SNTG1: variants seen among roughly 807,000 people sequenced by gnomAD.
SNTG1 encodes the protein gamma-1-syntrophin.
A neutral mutation model predicts 74.7 loss-of-function variants in SNTG1; 39 were observed. The ratio of observed to expected loss-of-function variants is 0.52; its 90% CI spans 0.40 to 0.68. The LOEUF (loss-of-function observed/expected upper bound fraction) is 0.68, where lower values mean the gene tolerates loss of function less well. SNTG1 is among the 30% of genes least tolerant of loss of function. The pLI is 0.00. For synonymous variants in SNTG1, 254 were observed against 217.1 expected (o/e 1.17, Z -1.49); for missense variants, 685 against 609.5 (o/e 1.12, Z -1.30).
intron 1 of SNTG1, among the ~76,000 whole-genome samples, chr8:50,125,463 T>C (rs181393552): frequency 1.4e-5 from 2 of 142,700 alleles, no homozygotes; most frequent in East Asian, 4.0e-4. Context: ...TCTTTATTTA[T>C]GAGTGTGTCA....
chr8:50,501,094 TCTG>T (rs2093948044), intron 8 of SNTG1, among the ~76,000 whole-genome samples: 1 of 152,202 alleles, frequency 6.6e-6, no homozygotes, highest in African/African-American at 2.4e-5. Context: ...GGCTAGCACT[TCTG>T]CTGGCTTCCC....
In SNTG1 at chr8:50,555,315, A is replaced by G. The variant is rs1468700668; in HGVS notation, c.810+2136A>G. Among the ~76,000 whole-genome samples, 6 of 152,312 alleles carry G rather than the reference A, an allele frequency of 3.9e-5. No homozygotes were observed. The East Asian group carries it at 9.7e-4, about 25-fold the overall frequency. On this transcript the variant is annotated intron_variant, in intron 12 of 18. Transcript: ENST00000642720. The stretch of plus-strand genomic sequence containing the variant: ...TCTTTTGTTCTTGCAATCAGTTTCC[A>G]TTCAAAAGTATTAGGTTCCAATGTA...
At chr8:50,711,161 T>G (rs1028841233) in intron 17 of SNTG1, among the ~76,000 whole-genome samples, 1 of 152,176 alleles carries the variant, frequency 6.6e-6, no homozygotes, top group Non-Finnish European at 1.5e-5. Flanking sequence ...GGAAGTTATT[T>G]TTAAATATGA....
At chr8:50,595,020 A>ATGTGTGTGTG (rs57799690) in intron 13 of SNTG1, among the ~76,000 whole-genome samples, 53 of 147,736 alleles carry the variant, frequency 3.6e-4, no homozygotes, top group African/African-American at 1.2e-3. Context: ...TTTATTGAAG[A>ATGTGTGTGTG]TGTGTGTGTG....
intron 12 of SNTG1, among the ~76,000 whole-genome samples, chr8:50,573,513 G>A (rs926485804): frequency 6.6e-6 from 1 of 151,796 alleles, no homozygotes; most frequent in Non-Finnish European, 1.5e-5. Flanking sequence ...GCATATATTT[G>A]TCATTTTCCC....
At chr8:50,594,347 A>C (rs1302875805) in intron 13 of SNTG1, among the ~76,000 whole-genome samples, 4 of 152,304 alleles carry the variant, frequency 2.6e-5, no homozygotes, top group African/African-American at 9.6e-5. Flanking sequence ...TTTTTCAATA[A>C]GTTTCTTCTA....
intron 18 of SNTG1, among the ~76,000 whole-genome samples, chr8:50,774,302 A>T (rs1197287026): frequency 6.6e-6 from 1 of 151,946 alleles, no homozygotes; most frequent in African/African-American, 2.4e-5. Flanking sequence ...AACAAAAGAC[A>T]TAAAATTATC....
intron 10 of SNTG1, among the ~76,000 whole-genome samples, chr8:50,535,408 C>G (rs1050868796): frequency 6.6e-6 from 1 of 152,074 alleles, no homozygotes; most frequent in Non-Finnish European, 1.5e-5. Flanking sequence ...CATCACATGC[C>G]GATCATCCAT....
At position 50,071,305 on chromosome 8, in the gene SNTG1, T is replaced by C. The variant is rs77485784; in HGVS notation, c.-102-101256T>C. 4.1e-3 allele frequency among the ~76,000 whole-genome samples: 622 copies of C among 152,286 alleles called. 5 individuals carry two copies. Among genetic ancestry groups the C allele is most frequent in the African/African-American group, 0.014 (588 of 41,550 alleles). Reference sequence around the variant, plus strand: ...CCTTGAAAGCCTAGGCTCAAGCTATTCTCTTGCTTCAACCTCCTAAAGTAG... The same window carrying C: ...CCTTGAAAGCCTAGGCTCAAGCTATCCTCTTGCTTCAACCTCCTAAAGTAG... On this transcript the variant is annotated intron_variant, in intron 1 of 18. Coordinates refer to ENST00000642720, the MANE Select transcript of SNTG1 (RefSeq NM_018967.5).
intron 13 of SNTG1, among the ~76,000 whole-genome samples, chr8:50,623,236 T>C (rs1319132441): frequency 6.6e-6 from 1 of 152,120 alleles, no homozygotes; most frequent in Non-Finnish European, 1.5e-5. Flanking sequence ...GTGGGCCACC[T>C]TGTCTTGTTT....
intron 8 of SNTG1, among the ~76,000 whole-genome samples, chr8:50,494,707 T>A (rs184291034): frequency 1.1e-4 from 16 of 152,226 alleles, no homozygotes; most frequent in Non-Finnish European, 1.5e-4. Context: ...TACCTAATAA[T>A]GTATTTTACT....
intron 2 of SNTG1, among the ~76,000 whole-genome samples, chr8:50,379,894 A>G (rs1191754851): frequency 6.6e-6 from 1 of 152,142 alleles, no homozygotes; most frequent in Non-Finnish European, 1.5e-5. Context: ...TCTTGTAATG[A>G]GAGAATGGAA....
At chr8:50,315,744 A>T (rs2090291890) in intron 2 of SNTG1, among the ~76,000 whole-genome samples, 1 of 138,148 alleles carries the variant, frequency 7.2e-6, no homozygotes, top group African/African-American at 3.0e-5. Context: ...ACCATTGAAA[A>T]GAAAAACATA....
chr8:49,958,073 A>C (rs987184632), intron 1 of SNTG1, among the ~76,000 whole-genome samples: 1 of 152,174 alleles, frequency 6.6e-6, no homozygotes, highest in Non-Finnish European at 1.5e-5. Flanking sequence ...TTAACTCTTC[A>C]GTGTTGGTAA....
At chr8:49,960,971 T>C (rs755243169) in intron 1 of SNTG1, among the ~76,000 whole-genome samples, 1 of 152,172 alleles carries the variant, frequency 6.6e-6, no homozygotes, top group Non-Finnish European at 1.5e-5. Flanking sequence ...GAAAGTTACC[T>C]GTATAGGAAA....
At chr8:50,652,679 C>A (rs2095154963) in intron 13 of SNTG1, among the ~76,000 whole-genome samples, 1 of 151,990 alleles carries the variant, frequency 6.6e-6, no homozygotes, top group Non-Finnish European at 1.5e-5. Context: ...CACCTTTAGT[C>A]CCGGTTACTC....
chr8:50,628,589 T>G (rs1334580945), intron 13 of SNTG1, among the ~76,000 whole-genome samples: 1 of 152,152 alleles, frequency 6.6e-6, no homozygotes, highest in Non-Finnish European at 1.5e-5. Flanking sequence ...TGAGTGTTCA[T>G]CAGAATCTAT....
chr8:50,110,652 G>T (rs1490205684), intron 1 of SNTG1, among the ~76,000 whole-genome samples: 1 of 152,176 alleles, frequency 6.6e-6, no homozygotes, highest in African/African-American at 2.4e-5. Flanking sequence ...TTAAATCCAG[G>T]TAAACATATT....
At chr8:50,202,620 C>T (rs1329835284) in intron 2 of SNTG1, among the ~76,000 whole-genome samples, 2 of 152,028 alleles carry the variant, frequency 1.3e-5, no homozygotes, top group East Asian at 3.9e-4. Context: ...TGATACTTTC[C>T]AATTTTTGGC....
Sources: gnomAD v4.1 joint callset for allele counts (sites outside exome capture counted in the v4.1 genomes callset) on GRCh38, gnomAD v4.1.1 for gene constraint, MANE v1.5 for transcripts, NCBI Gene and HGNC (gene_info 2026-07-23, HGNC 2026-07-21) for gene names.